NRXN1: variants seen among roughly 807,000 people sequenced by gnomAD.
NRXN1 encodes neurexin 1.
In NRXN1, 39 loss-of-function variants were observed where a neutral mutation model predicts 150.9. The ratio of observed to expected loss-of-function variants is 0.26; its 90% CI spans 0.20 to 0.34. The LOEUF (loss-of-function observed/expected upper bound fraction) is 0.34, where lower values mean the gene tolerates loss of function less well. Among genes scored for constraint, NRXN1 ranks in the 10% least tolerant of loss-of-function variants. NRXN1 has a pLI of 1.00. For synonymous variants in NRXN1, 924 were observed against 757.0 expected, an observed-to-expected ratio of 1.22 and a Z score of -3.62; for missense variants, 1,815 against 1,949.9, an observed-to-expected ratio of 0.93 and a Z score of 1.30.
chr2:50,258,883 A>T (rs2067978725), intron 17 of NRXN1, among the ~76,000 whole-genome samples: 1 of 152,178 alleles, frequency 6.6e-6, no homozygotes, highest in East Asian at 1.9e-4. Flanking sequence ...AATGAGCAGT[A>T]ATAATTTGAA....
intron 2 of NRXN1, among the ~76,000 whole-genome samples, chr2:50,941,667 A>T (rs1689467387): frequency 6.6e-6 from 1 of 152,186 alleles, no homozygotes; most frequent in South Asian, 2.1e-4. Context: ...CTAAGCAACA[A>T]AGCATTCAAT....
chr2:50,355,384 C>T (rs891699304), intron 17 of NRXN1, among the ~76,000 whole-genome samples: 4 of 151,664 alleles, frequency 2.6e-5, no homozygotes, highest in African/African-American at 9.7e-5. Context: ...ACTATCAAGA[C>T]CTTTTTACCA....
intron 8 of NRXN1, chr2:50,615,779 C>A (rs1347892805): frequency 6.6e-6 from 1 of 152,060 alleles, no homozygotes; most frequent in African/African-American, 2.4e-5. Context: ...TCTCAGACAC[C>A]ATGATTTCTC....
chr2:50,047,500 T>A (rs2152610020), intron 21 of NRXN1, among the ~76,000 whole-genome samples: 1 of 152,242 alleles, frequency 6.6e-6, no homozygotes, highest in Admixed American at 6.6e-5. Flanking sequence ...TTTCTCTGGC[T>A]TCCAGTTTCC....
chr2:50,478,420 T>C (rs2090171191), intron 15 of NRXN1, among the ~76,000 whole-genome samples: 2 of 152,112 alleles, frequency 1.3e-5, no homozygotes, highest in South Asian at 2.1e-4. Flanking sequence ...ATATTCAAAA[T>C]GGAAATCAAA....
chr2:51,007,026 C>T (rs76308624), intron 2 of NRXN1, among the ~76,000 whole-genome samples: 11 of 151,814 alleles, frequency 7.2e-5, no homozygotes, highest in Non-Finnish European at 1.3e-4. Context: ...ACAAACATAA[C>T]CCCAGTGCCT....
At chr2:50,798,623 A>G (rs1405128122) in intron 5 of NRXN1, among the ~76,000 whole-genome samples, 3 of 152,176 alleles carry the variant, frequency 2.0e-5, no homozygotes, top group Admixed American at 1.3e-4. Flanking sequence ...CAATATAAAG[A>G]CCATGGAGGC....
intron 17 of NRXN1, among the ~76,000 whole-genome samples, chr2:50,455,856 T>C (rs2087504973): frequency 6.6e-6 from 1 of 152,172 alleles, no homozygotes; most frequent in Non-Finnish European, 1.5e-5. Flanking sequence ...CATTATGTCA[T>C]CACTTGGAGA....
chr2:50,851,466 T>G (rs921412882), intron 5 of NRXN1, among the ~76,000 whole-genome samples: 1 of 152,142 alleles, frequency 6.6e-6, no homozygotes, highest in South Asian at 2.1e-4. Context: ...TTGTCTGTCT[T>G]GCTGCAATGG....
At chr2:51,026,704 T>C (rs1375574752) in intron 2 of NRXN1, among the ~76,000 whole-genome samples, 3 of 152,220 alleles carry the variant, frequency 2.0e-5, no homozygotes, top group African/African-American at 7.2e-5. Context: ...TTTCTCTTTA[T>C]AAGGCATTTG....
At chr2:50,018,477 C>A (rs1438355352) in intron 21 of NRXN1, among the ~76,000 whole-genome samples, 1 of 152,112 alleles carries the variant, frequency 6.6e-6, no homozygotes, top group Non-Finnish European at 1.5e-5. Context: ...CCATTCCAAC[C>A]ATGACTTCAT....
intron 5 of NRXN1, among the ~76,000 whole-genome samples, chr2:50,856,668 T>A (rs1030120661): frequency 6.6e-6 from 1 of 152,110 alleles, no homozygotes; most frequent in Non-Finnish European, 1.5e-5. Flanking sequence ...TCCTTTTTAA[T>A]TGTCGTGAAA....
At chr2:49,946,563 G>C (rs1672932986) in intron 21 of NRXN1, among the ~76,000 whole-genome samples, 1 of 152,058 alleles carries the variant, frequency 6.6e-6, no homozygotes, top group Admixed American at 6.6e-5. Context: ...TTTTGTATAA[G>C]GTGTAAGGAA....
chr2:50,722,184 T>C (rs1202895204), intron 5 of NRXN1, among the ~76,000 whole-genome samples: 1 of 152,160 alleles, frequency 6.6e-6, no homozygotes, highest in African/African-American at 2.4e-5. Context: ...CATCTCCCTA[T>C]CATTTACTGC....
rs191468404 is a variant in NRXN1 at position 50,898,611 on chromosome 2, T to G, written c.832+23258A>C. ...CCTAGGATTCAACTTTGCTGTAATA[T>G]TCTATGAGGTTATCATTCAATTGTT... is the stretch of plus-strand genomic sequence containing the variant. On this transcript the variant is annotated intron_variant, in intron 5 of 22. Transcript: ENST00000401669. The G allele has an allele frequency of 3.2e-3, 1,534 of 480,922 alleles. 29 individuals carry two copies. The highest frequency in any genetic ancestry group is 0.032 in the Admixed American group (1,454 of 46,086). 29.8% of individuals were successfully genotyped at this position (480,922 alleles called of 1,614,324 possible). A position where few individuals can be genotyped will look rare whatever the true frequency, so the allele number is the denominator to read the frequency against.
intron 18 of NRXN1, among the ~76,000 whole-genome samples, chr2:50,200,336 C>A (rs1040107144): frequency 1.5e-4 from 23 of 152,114 alleles, no homozygotes; most frequent in African/African-American, 5.3e-4. Flanking sequence ...TATCTACTGT[C>A]TGGAGTCATA....
At chr2:50,208,235 C>A (rs1042984774) in intron 18 of NRXN1, among the ~76,000 whole-genome samples, 2 of 152,110 alleles carry the variant, frequency 1.3e-5, no homozygotes, top group Non-Finnish European at 2.9e-5. Context: ...ATCCAGTGGG[C>A]AGACCTCTTA....
chr2:50,476,057 T>C (rs1037320542), intron 15 of NRXN1, among the ~76,000 whole-genome samples: 1 of 152,066 alleles, frequency 6.6e-6, no homozygotes, highest in Non-Finnish European at 1.5e-5. Flanking sequence ...AGTGGCTGAT[T>C]TTTAATTCAT....
chr2:50,028,259 C>A (rs1016607380), intron 21 of NRXN1, among the ~76,000 whole-genome samples: 1 of 152,062 alleles, frequency 6.6e-6, no homozygotes, highest in African/African-American at 2.4e-5. Context: ...CTTTTATAAT[C>A]CTATAAATAT....
Sources: allele counts gnomAD v4.1 joint callset (sites outside exome capture counted in the v4.1 genomes callset), GRCh38; gene constraint gnomAD v4.1.1; transcripts MANE v1.5; gene names NCBI Gene and HGNC (gene_info 2026-07-23, HGNC 2026-07-21).